NUP62CL: variants seen among roughly 807,000 people sequenced by gnomAD.
NUP62CL encodes the protein nucleoporin-62 C-terminal-like protein.
In NUP62CL, 13 loss-of-function variants were observed where a neutral mutation model predicts 15.3. That is an observed-to-expected ratio of 0.85 (90% CI 0.55 to 1.35). The LOEUF is 1.35. Ranked by LOEUF, NUP62CL falls within the 40% of genes most tolerant of loss-of-function variation. The probability of loss-of-function intolerance (pLI) is 0.00; values close to 1 mark genes in which losing one functional copy is unlikely to be tolerated. For synonymous variants in NUP62CL, 54 were observed against 49.2 expected, an observed-to-expected ratio of 1.10 and a Z score of -0.41; for missense variants, 123 against 130.6, an observed-to-expected ratio of 0.94 and a Z score of 0.28.
At chrX:107,200,759 A>C (rs1191321852) in intron 1 of NUP62CL, among the ~76,000 whole-genome samples, 1 of 109,673 alleles carries the variant, frequency 9.1e-6, no homozygotes, top group African/African-American at 3.3e-5. Context: ...GATGCAAGAG[A>C]GGGCAGGGAA....
intron 2 of NUP62CL, among the ~76,000 whole-genome samples, chrX:107,182,469 C>T (rs976377813): frequency 1.8e-5 from 2 of 111,939 alleles, no homozygotes; most frequent in Non-Finnish European, 3.8e-5. Flanking sequence ...AATTCCTTTA[C>T]GTTTAAGAAC....
chrX:107,134,189 C>CA (rs936014677), intron 8 of NUP62CL, among the ~76,000 whole-genome samples: 2 of 111,785 alleles, frequency 1.8e-5, no homozygotes, highest in African/African-American at 6.5e-5. Flanking sequence ...TATTGAAATT[C>CA]AGCTGTATTA....
intron 4 of NUP62CL, among the ~76,000 whole-genome samples, chrX:107,156,192 C>G (rs1301128011): frequency 2.7e-5 from 3 of 111,389 alleles, no homozygotes; most frequent in Non-Finnish European, 5.7e-5. Flanking sequence ...AGGCGGCAGC[C>G]AGGCTGGGGG....
At chrX:107,165,863 T>A (rs1202822432) in intron 4 of NUP62CL, among the ~76,000 whole-genome samples, 1 of 111,725 alleles carries the variant, frequency 9.0e-6, no homozygotes, top group East Asian at 2.8e-4. Flanking sequence ...CAAAAAAAAA[T>A]TAATCTTGAC....
At chrX:107,138,560 G>T (rs1192970657) in intron 8 of NUP62CL, among the ~76,000 whole-genome samples, 5 of 112,032 alleles carry the variant, frequency 4.5e-5, no homozygotes, top group African/African-American at 1.6e-4. Context: ...TACAGGAAAA[G>T]GTTCAGCACC....
At chrX:107,136,354 T>C (rs745883186) in intron 8 of NUP62CL, among the ~76,000 whole-genome samples, 19 of 111,737 alleles carry the variant, frequency 1.7e-4, no homozygotes, top group African/African-American at 6.2e-4. Flanking sequence ...GACTACAAAC[T>C]ATGAGATCTC....
At chrX:107,160,610 C>A (rs1261529482) in intron 4 of NUP62CL, among the ~76,000 whole-genome samples, 1 of 111,252 alleles carries the variant, frequency 9.0e-6, no homozygotes, top group Non-Finnish European at 1.9e-5. Context: ...CCCTTCCTTA[C>A]ACCTTATACA....
At chrX:107,174,991 G>C in intron 3 of NUP62CL, 98 bp downstream of exon 3, 1 of 653,893 alleles carries the variant, frequency 1.5e-6, no homozygotes, top group Non-Finnish European at 2.5e-6. Flanking sequence ...CAAGAATAAT[G>C]ATAATTTCTG....
Position 107,153,442 on chromosome X carries a change from C to G in NUP62CL, c.395+12G>C. On this transcript the variant is annotated intron_variant, in intron 6 of 8. Coordinates refer to ENST00000372466, the MANE Select transcript of NUP62CL (RefSeq NM_017681.3). ...TCTTTAATCTTTCAACCAAGGAAAT[C>G]TAAGGTTCTACCTTTTCTGATCCAG... is the stretch of plus-strand genomic sequence containing the variant. The G allele has an allele frequency of 8.7e-7, 1 of 1,152,831 alleles. No individual in the cohort carries two copies. Among genetic ancestry groups the G allele is most frequent in the Non-Finnish European group, 1.2e-6 (1 of 864,931 alleles).
intron 1 of NUP62CL, among the ~76,000 whole-genome samples, chrX:107,202,052 T>C (rs916849300): frequency 8.9e-5 from 10 of 112,252 alleles, no homozygotes; most frequent in African/African-American, 3.2e-4. Flanking sequence ...CACTTATAAA[T>C]ACAGATTGGA....
chrX:107,160,253 A>C (rs1292313290), intron 4 of NUP62CL, among the ~76,000 whole-genome samples: 4 of 102,204 alleles, frequency 3.9e-5, no homozygotes, highest in Admixed American at 1.1e-4. Context: ...GCTACCAATG[A>C]CTTTCTTCAC....
At chrX:107,189,192 T>C (rs1174113191) in intron 2 of NUP62CL, among the ~76,000 whole-genome samples, 3 of 111,492 alleles carry the variant, frequency 2.7e-5, no homozygotes, top group Non-Finnish European at 5.6e-5. Flanking sequence ...AACTAGATCT[T>C]GTATACATTG....
At chrX:107,166,103 T>G (rs1288729810) in intron 4 of NUP62CL, among the ~76,000 whole-genome samples, 1 of 111,702 alleles carries the variant, frequency 9.0e-6, no homozygotes, top group Non-Finnish European at 1.9e-5. Context: ...AAGGACCCTG[T>G]TAAGAGGATG....
intron 2 of NUP62CL, among the ~76,000 whole-genome samples, chrX:107,177,248 T>G (rs930073651): frequency 8.9e-6 from 1 of 111,800 alleles, no homozygotes; most frequent in Non-Finnish European, 1.9e-5. Context: ...AGGACAATTT[T>G]TAAATTACAT....
intron 8 of NUP62CL, among the ~76,000 whole-genome samples, chrX:107,128,157 G>A (rs1367937553): frequency 8.9e-6 from 1 of 112,283 alleles, no homozygotes; most frequent in East Asian, 2.8e-4. Context: ...AGTAATCATG[G>A]ATGTACACCT....
intron 8 of NUP62CL, chrX:107,132,051 T>G: frequency 9.3e-7 from 1 of 1,074,005 alleles, no homozygotes; most frequent in Non-Finnish European, 1.3e-6. Context: ...CCAACATGAT[T>G]TGTAGCTTTC....
At chrX:107,147,454 C>A (rs1925906061) in intron 8 of NUP62CL, among the ~76,000 whole-genome samples, 1 of 111,142 alleles carries the variant, frequency 9.0e-6, no homozygotes, top group African/African-American at 3.3e-5. Context: ...GCCCCCAAGT[C>A]AAAACTGTGT....
chrX:107,150,630 T>C (rs763300793), intron 7 of NUP62CL, among the ~76,000 whole-genome samples: 1 of 112,289 alleles, frequency 8.9e-6, no homozygotes, highest in East Asian at 2.8e-4. Context: ...CCAGAGTAGG[T>C]AGGACTATAG....
In NUP62CL at chrX:107,196,427, C is replaced by T. The variant is rs1475643225; in HGVS notation, c.-91-3355G>A. On this transcript the variant is annotated intron_variant, in intron 1 of 8. Transcript: ENST00000372466. The stretch of plus-strand genomic sequence containing the variant: ...CCATTGCTTTTTCCTTTATATATTT[C>T]TTTTGTTTGTTTGTTTGTTTTGAGA... 3.6e-5 allele frequency among the ~76,000 whole-genome samples: 4 copies of T among 110,778 alleles called. No individual in the cohort carries two copies. The East Asian group carries it at 1.1e-3, about 31-fold the overall frequency.
Sources: gnomAD v4.1 joint callset for allele counts (sites outside exome capture counted in the v4.1 genomes callset) on GRCh38, gnomAD v4.1.1 for gene constraint, MANE v1.5 for transcripts, NCBI Gene and HGNC (gene_info 2026-07-23, HGNC 2026-07-21) for gene names.